Variants in WRNIP1 observed in about 807,000 individuals in gnomAD.
The protein encoded by WRNIP1 is ATPase WRNIP1.
In WRNIP1, 41 loss-of-function variants were observed where a neutral mutation model predicts 56.1. The ratio of observed to expected loss-of-function variants is 0.73; its 90% CI spans 0.57 to 0.95. WRNIP1 has a LOEUF of 0.95. Ranked by LOEUF, WRNIP1 falls within the 40% of genes least tolerant of loss-of-function variation. The pLI is 0.00. For missense variants in WRNIP1, 1,170 were observed against 939.4 expected (o/e 1.25, Z -3.21); for synonymous variants, 547 against 398.1 (o/e 1.37, Z -4.45).
At chr6:2,781,089 C>CTTG (rs1162899610) in intron 4 of WRNIP1, among the ~76,000 whole-genome samples, 4 of 152,230 alleles carry the variant, frequency 2.6e-5, no homozygotes, top group Non-Finnish European at 4.4e-5. Context: ...CCACACCAGC[C>CTTG]TTGCCATGCT....
At chr6:2,779,194 CTAAGACA>C in intron 3 of WRNIP1, 62 bp from the exon 4 acceptor site, 1 of 1,516,598 alleles carries the variant, frequency 6.6e-7, no homozygotes, top group Non-Finnish European at 9.1e-7. Flanking sequence ...GTATGAGTTT[CTAAGACA>C]TGTGCAGAAC....
intron 3 of WRNIP1, among the ~76,000 whole-genome samples, chr6:2,774,642 G>C (rs1241376726): frequency 3.3e-5 from 5 of 152,158 alleles, no homozygotes; most frequent in Admixed American, 6.5e-5. Flanking sequence ...CCAGGGATTA[G>C]GACTTACATC....
rs977864236 is a variant in WRNIP1, at chr6:2,785,534, T to C, written c.*252T>C. The C allele has an allele frequency of 2.0e-6, 1 of 496,470 alleles. No individual in the cohort carries two copies. Among genetic ancestry groups the C allele is most frequent in the Non-Finnish European group, 3.6e-6 (1 of 280,648 alleles). The allele number at this position is 496,470 out of a possible 1,614,324, so 30.8% of individuals were successfully genotyped here. ...CTGGCAGCTTTGTGCAATGAATTAA[T>C]GTTATAAGGAATTATCTATTTTGTC... On this transcript the variant is annotated 3_prime_UTR_variant, in exon 7 of 7. Coordinates refer to ENST00000380773, the MANE Select transcript of WRNIP1 (RefSeq NM_020135.3).
intron 2 of WRNIP1, 63 bp from the exon 3 acceptor site, chr6:2,770,057 C>T: frequency 1.2e-6 from 2 of 1,603,210 alleles, no homozygotes; most frequent in Middle Eastern, 1.7e-4. Context: ...AGCCAACTTA[C>T]ATAGGATTCT....
Position 2,767,063 on chromosome 6 carries a change from C to T in WRNIP1, c.822+619C>T, listed in dbSNP as rs912155570. ...TTTTCATCTGCAAGTCATTTTCATC[C>T]GGTATTTCCGTAACTTTTCTCATAA... On this transcript the variant is annotated intron_variant, in intron 1 of 6. Coordinates refer to ENST00000380773, the MANE Select transcript of WRNIP1 (RefSeq NM_020135.3). 2.2e-4 allele frequency among the ~76,000 whole-genome samples: 34 copies of T among 152,140 alleles called. 1 individual carries two copies. Among genetic ancestry groups the T allele is most frequent in the Non-Finnish European group, 1.3e-4 (9 of 68,024 alleles).
chr6:2,776,321 C>T (rs942978879), intron 3 of WRNIP1, among the ~76,000 whole-genome samples: 1 of 152,170 alleles, frequency 6.6e-6, no homozygotes, highest in African/African-American at 2.4e-5. Context: ...CTTGTGTGAT[C>T]ATTGTGAGTG....
intron 4 of WRNIP1, among the ~76,000 whole-genome samples, chr6:2,782,800 C>T (rs1022699661): frequency 1.3e-5 from 2 of 152,208 alleles, no homozygotes; most frequent in Admixed American, 6.5e-5. Context: ...AGAGAGTGGG[C>T]TTCCGTCCAC....
In WRNIP1 at chr6:2,766,290, A is replaced by G. The variant is rs755375452; in HGVS notation, c.668A>G (p.Gln223Arg). ...GCCGAGGAGATCCGACAGATGCTAC[A>G]GGGCAAGCCGCTGGCCGACACGATG... ...LAAEEIRQML[Q>R]GKPLADTMRP... Residue 223 changes from glutamine to arginine, a missense_variant, in exon 1 of 7, where the codon CAG becomes CGG. Gln to Arg is a conservative substitution (Grantham distance 43, BLOSUM62 1). Transcript: ENST00000380773. The G allele has an allele frequency of 1.1e-5, 18 of 1,599,454 alleles. No individual in the cohort carries two copies. The highest frequency in any genetic ancestry group is 3.5e-4 in the Middle Eastern group (2 of 5,784).
At chr6:2,769,374 C>G (rs1765177831) in intron 2 of WRNIP1, among the ~76,000 whole-genome samples, 1 of 151,764 alleles carries the variant, frequency 6.6e-6, no homozygotes, top group African/African-American at 2.4e-5. Flanking sequence ...TAAAAGGACA[C>G]AAGCTATTTT....
chr6:2,774,549 C>G (rs901092392), intron 3 of WRNIP1, among the ~76,000 whole-genome samples: 2 of 152,206 alleles, frequency 1.3e-5, no homozygotes, highest in African/African-American at 4.8e-5. Context: ...AAGGTACACT[C>G]TAAATCCAGG....
chr6:2,769,811 A>G (rs1032189625), intron 2 of WRNIP1, among the ~76,000 whole-genome samples: 4 of 152,248 alleles, frequency 2.6e-5, no homozygotes, highest in African/African-American at 9.6e-5. Context: ...AGCCTTTGGT[A>G]GAAGATGGTT....
rs768717293 is a variant in WRNIP1, at chr6:2,779,270, A to G, written c.1264A>G (p.Met422Val). The G allele has an allele frequency of 1.9e-6, 3 of 1,614,162 alleles. No individual in the cohort carries two copies. The highest frequency in any genetic ancestry group is 1.7e-5 in the Admixed American group (1 of 60,018). ...HSSNSSSEPA[M>V]FIEDKAVDTL... The stretch of plus-strand genomic sequence containing the variant: ...ACCCTGCTTGTGTTTCAGGCCCGCC[A>G]TGTTCATAGAGGATAAAGCAGTAGA... The change falls in exon 4 of 7, where the codon ATG (methionine) becomes GTG (valine). Residue 422 changes from methionine to valine, a missense_variant. Met to Val is a conservative substitution (Grantham distance 21). Transcript: ENST00000380773.
intron 3 of WRNIP1, 75 bp downstream of exon 3, chr6:2,770,436 C>A: frequency 6.3e-7 from 1 of 1,579,488 alleles, no homozygotes; most frequent in South Asian, 1.1e-5. Context: ...CAGAAAGGGC[C>A]GGGCGTCAGT....
At chr6:2,774,214 A>C (rs1481234743) in intron 3 of WRNIP1, 1 of 985,342 alleles carries the variant, frequency 1.0e-6, no homozygotes, top group Non-Finnish European at 1.2e-6. Context: ...AGGGTGCATT[A>C]AAATAATGCC....
chr6:2,779,231 T>A, intron 3 of WRNIP1, 32 bp from the exon 4 acceptor site: 1 of 1,606,460 alleles, frequency 6.2e-7, no homozygotes. Flanking sequence ...GCAGCCTGAG[T>A]GTGACCGTAA....
intron 3 of WRNIP1, chr6:2,772,904 C>T (rs1193494415): frequency 3.3e-6 from 3 of 920,178 alleles, no homozygotes; most frequent in African/African-American, 1.8e-5. Flanking sequence ...AAAGAAAAGA[C>T]TTCCAACCCC....
chr6:2,774,305 A>G (rs1460417029), intron 3 of WRNIP1: 1 of 984,526 alleles, frequency 1.0e-6, no homozygotes, highest in Non-Finnish European at 1.2e-6. Context: ...ATTGCCACAA[A>G]CTGGGTGGCT....
intron 3 of WRNIP1, chr6:2,774,032 A>G (rs1053420564): frequency 5.1e-6 from 5 of 985,300 alleles, no homozygotes; most frequent in African/African-American, 3.5e-5. Flanking sequence ...ATAAAAGTTT[A>G]AAGTGTCTTA....
At chr6:2,768,577 C>T in intron 1 of WRNIP1, 114 bp from the exon 2 acceptor site, 2 of 779,196 alleles carry the variant, frequency 2.6e-6, no homozygotes, top group East Asian at 5.7e-5. Context: ...CAGCATTCTT[C>T]CGAGGTCAAG....
Sources: allele counts gnomAD v4.1 joint callset (sites outside exome capture counted in the v4.1 genomes callset), GRCh38; gene constraint gnomAD v4.1.1; transcripts MANE v1.5; gene names NCBI Gene and HGNC (gene_info 2026-07-23, HGNC 2026-07-21).